BCAR3: variants seen among roughly 807,000 people sequenced by gnomAD.
The protein encoded by BCAR3 is breast cancer anti-estrogen resistance protein 3.
BCAR3 carries 37 observed loss-of-function variants against 80.1 expected under a neutral mutation model. That is an observed-to-expected ratio of 0.46 (90% CI 0.36 to 0.61). The LOEUF is 0.61. Among genes scored for constraint, BCAR3 ranks in the 20% least tolerant of loss-of-function variants. The pLI is 0.00. For synonymous variants in BCAR3, 389 were observed against 418.9 expected, an observed-to-expected ratio of 0.93 and a Z score of 0.87; for missense variants, 978 against 1,068.2, an observed-to-expected ratio of 0.92 and a Z score of 1.18.
chr1:93,677,196 G>A (rs895507081), intron 1 of BCAR3, among the ~76,000 whole-genome samples: 1 of 152,202 alleles, frequency 6.6e-6, no homozygotes, highest in Non-Finnish European at 1.5e-5. Flanking sequence ...GACTTGAGAA[G>A]GCTCAGAGAG....
At chr1:93,635,104 A>G (rs1675738428) in intron 3 of BCAR3, among the ~76,000 whole-genome samples, 1 of 152,016 alleles carries the variant, frequency 6.6e-6, no homozygotes, top group African/African-American at 2.4e-5. Flanking sequence ...GAGTGCCTGG[A>G]GTCCTAGCTA....
At chr1:93,687,184 CT>C (rs1234670111) in intron 3 of BCAR3, among the ~76,000 whole-genome samples, 4 of 152,220 alleles carry the variant, frequency 2.6e-5, no homozygotes, top group Admixed American at 2.6e-4. Flanking sequence ...CATCATAAAT[CT>C]CCCCATAGGC....
chr1:93,656,852 T>C (rs1311862736), intron 2 of BCAR3, among the ~76,000 whole-genome samples: 1 of 152,170 alleles, frequency 6.6e-6, no homozygotes, highest in Non-Finnish European at 1.5e-5. Flanking sequence ...ATTACAGATA[T>C]GAGCCACTGC....
At chr1:93,582,219 CA>C in intron 7 of BCAR3, 81 bp downstream of exon 7, 1 of 1,512,372 alleles carries the variant, frequency 6.6e-7, no homozygotes, top group Non-Finnish European at 8.9e-7. Context: ...TCCAAACCTA[CA>C]AAAGCCAGAG....
intron 3 of BCAR3, among the ~76,000 whole-genome samples, chr1:93,628,250 A>G (rs184728271): frequency 7.8e-4 from 119 of 151,962 alleles, no homozygotes; most frequent in African/African-American, 2.7e-3. Context: ...CATTCCTAGA[A>G]CCCCCTTATT....
At chr1:93,822,186 CTT>C (rs5776189) in intron 2 of BCAR3, among the ~76,000 whole-genome samples, 16 of 141,860 alleles carry the variant, frequency 1.1e-4, no homozygotes, top group Non-Finnish European at 1.1e-4. Context: ...TTTTTTTTTT[CTT>C]TTTTTTTTTT....
chr1:93,583,352 T>C (rs1673799140), intron 6 of BCAR3, among the ~76,000 whole-genome samples: 1 of 152,078 alleles, frequency 6.6e-6, no homozygotes, highest in Non-Finnish European at 1.5e-5. Flanking sequence ...AAAGGGTGGA[T>C]CCCAGCCAGC....
rs1650883200 is a variant in BCAR3 at position 93,733,785 on chromosome 1, C to G, written c.-62-27643G>C. Among the ~76,000 whole-genome samples the G allele has an allele frequency of 2.0e-5, 3 of 152,342 alleles. No homozygotes were observed. The South Asian group carries it at 6.2e-4, about 32-fold the overall frequency. On this transcript the variant is annotated intron_variant, in intron 2 of 13. Transcript: ENST00000370244. The stretch of plus-strand genomic sequence containing the variant: ...GCATGCATCTACCCTTCTCCAGATC[C>G]TCTCATTTTCTCAGAGCCCTTGGCC...
At chr1:93,819,150 T>A (rs1281010000) in intron 2 of BCAR3, among the ~76,000 whole-genome samples, 2 of 151,818 alleles carry the variant, frequency 1.3e-5, no homozygotes, top group Non-Finnish European at 1.5e-5. Context: ...CACTGCAATC[T>A]CCGCCTCCCC....
At chr1:93,619,741 T>C (rs1008499053) in intron 3 of BCAR3, among the ~76,000 whole-genome samples, 18 of 152,190 alleles carry the variant, frequency 1.2e-4, no homozygotes, top group African/African-American at 4.3e-4. Context: ...CCACCTCCAC[T>C]GCGCCAGTTC....
chr1:93,736,679 G>T (rs757231337), intron 2 of BCAR3, among the ~76,000 whole-genome samples: 4 of 152,134 alleles, frequency 2.6e-5, no homozygotes, highest in Non-Finnish European at 5.9e-5. Context: ...TGGCACTAAG[G>T]GGGTCCAGGA....
chr1:93,582,776 G>A lies in BCAR3; in HGVS notation c.1211C>T (p.Pro404Leu), dbSNP rs372966690. The change falls in exon 7 of 12, where the codon CCG (proline) becomes CTG (leucine). Residue 404 changes from proline (P) to leucine (L), a missense_variant. Coordinates refer to ENST00000260502, the MANE Select transcript of BCAR3 (RefSeq NM_003567.4). The stretch of plus-strand genomic sequence containing the variant: ...GAACGGCACCTTGCAGGGCTTAGGC[G>A]GGGGCTTAGGGCACAGTTGACTGTC... The part of the protein sequence containing the change: ...GSDSQLCPKP[P>L]PKPCKVPFLK... 3.1e-6 allele frequency: 5 copies of A among 1,613,964 alleles called. No individual in the cohort carries two copies. The highest frequency in any genetic ancestry group is 2.2e-5 in the East Asian group (1 of 44,870).
At chr1:93,565,793 A>G (rs1672923584) in intron 11 of BCAR3, among the ~76,000 whole-genome samples, 1 of 152,232 alleles carries the variant, frequency 6.6e-6, no homozygotes, top group Non-Finnish European at 1.5e-5. Context: ...TAAGTCCCAC[A>G]TCTGGTTCTG....
At chr1:93,781,021 A>G (rs1848) in intron 2 of BCAR3, among the ~76,000 whole-genome samples, 19,887 of 152,230 alleles carry the variant, frequency 0.13, 2,009 homozygotes, top group African/African-American at 0.27. Flanking sequence ...GGGGAGGGCC[A>G]GTAGGAAAAG....
intron 2 of BCAR3, among the ~76,000 whole-genome samples, chr1:93,828,079 C>T (rs1252623129): frequency 6.6e-6 from 1 of 152,154 alleles, no homozygotes; most frequent in African/African-American, 2.4e-5. Flanking sequence ...CTGCAGTGAG[C>T]TATGATTGCA....
chr1:93,820,053 G>A, intron 2 of BCAR3, among the ~76,000 whole-genome samples: 1 of 152,158 alleles, frequency 6.6e-6, no homozygotes, highest in East Asian at 1.9e-4. Context: ...TTGCTTAGGA[G>A]CCAGATTTAT....
chr1:93,612,032 A>C (rs1012228146), intron 3 of BCAR3, among the ~76,000 whole-genome samples: 2 of 152,216 alleles, frequency 1.3e-5, no homozygotes, highest in Non-Finnish European at 2.9e-5. Flanking sequence ...GAGCAGCAAG[A>C]TCTGGAACCC....
intron 2 of BCAR3, among the ~76,000 whole-genome samples, chr1:93,815,548 G>A (rs1294685376): frequency 6.6e-6 from 1 of 152,150 alleles, no homozygotes; most frequent in Admixed American, 6.5e-5. Context: ...TGGTAAAGCT[G>A]GCGCTGCAGA....
At chr1:93,812,792 G>C (rs951786442) in intron 2 of BCAR3, among the ~76,000 whole-genome samples, 6 of 152,200 alleles carry the variant, frequency 3.9e-5, no homozygotes, top group African/African-American at 1.4e-4. Flanking sequence ...GTCCAGACCA[G>C]CAGCACCAGG....
Sources: gnomAD v4.1 joint callset for allele counts (sites outside exome capture counted in the v4.1 genomes callset) on GRCh38, gnomAD v4.1.1 for gene constraint, MANE v1.5 for transcripts, NCBI Gene and HGNC (gene_info 2026-07-23, HGNC 2026-07-21) for gene names.